PCDHGA3: variants seen among roughly 807,000 people sequenced by gnomAD.
PCDHGA3 encodes the protein protocadherin gamma-A3.
A neutral mutation model predicts 58.5 loss-of-function variants in PCDHGA3; 40 were observed. The ratio of observed to expected loss-of-function variants is 0.68; its 90% CI spans 0.53 to 0.89. PCDHGA3 has a LOEUF of 0.89. Among genes scored for constraint, PCDHGA3 ranks in the 40% least tolerant of loss-of-function variants. PCDHGA3 has a pLI of 0.00. For missense variants in PCDHGA3, 1,223 were observed against 1,195.9 expected, an observed-to-expected ratio of 1.02 and a Z score of -0.33; for synonymous variants, 530 against 525.7, an observed-to-expected ratio of 1.01 and a Z score of -0.11.
chr5:141,360,534 C>G (rs1163305635), intron 1 of PCDHGA3: 1 of 1,613,938 alleles, frequency 6.2e-7, no homozygotes, highest in Admixed American at 1.7e-5. Flanking sequence ...CCCCGCTATT[C>G]AAACAGACTA....
chr5:141,412,931 T>C (rs1010992022), intron 1 of PCDHGA3: 5 of 453,108 alleles, frequency 1.1e-5, no homozygotes, highest in African/African-American at 2.0e-5. Flanking sequence ...CAGTAACTTC[T>C]TAGGACTCTG....
At chr5:141,377,878 G>A (rs568106041) in intron 1 of PCDHGA3, 1 of 152,254 alleles carries the variant, frequency 6.6e-6, no homozygotes, top group East Asian at 1.9e-4. Flanking sequence ...TCTCTTATCA[G>A]AGATAGGATC....
At chr5:141,428,105 G>T in intron 1 of PCDHGA3, 4 of 1,608,184 alleles carry the variant, frequency 2.5e-6, no homozygotes, top group Non-Finnish European at 2.5e-6. Context: ...ACCACGTGCT[G>T]CAGGCCATCG....
rs200757040 is a variant in PCDHGA3, at chr5:141,431,080, C to T, written c.2425-63727C>T. 3 of 1,614,044 alleles carry T rather than the reference C, an allele frequency of 1.9e-6. No homozygotes were observed. The highest frequency in any genetic ancestry group is 2.5e-6 in the Non-Finnish European group (3 of 1,180,010). ...CCATCAAGTGTCAATTAAATCTAGA[C>T]ATTCTGATGGAGGATAAAGTGAAAA... On this transcript the variant is annotated intron_variant, in intron 1 of 3. Coordinates refer to ENST00000253812, the MANE Select transcript of PCDHGA3 (RefSeq NM_018916.4). This position sits in a 1 kb window ranked among gnomAD's most constrained non-coding sequence, Gnocchi z 4.8.
rs370503146 is a variant in PCDHGA3 at position 141,511,012 on chromosome 5, G to A, written c.2638G>A (p.Gly880Arg). 11 of 1,614,060 alleles carry A rather than the reference G, an allele frequency of 6.8e-6. No individual in the cohort carries two copies. Among genetic ancestry groups the A allele is most frequent in the Middle Eastern group, 1.6e-4 (1 of 6,084 alleles). ...AGTMGLSARYGPQFTLQHVPD... is the reference protein window; with the variant it reads ...AGTMGLSARYRPQFTLQHVPD... The stretch of plus-strand genomic sequence containing the variant: ...CACCATGGGATTGAGCGCCCGCTAC[G>A]GACCCCAGTTCACCCTGCAGCACGT... The change falls in exon 4 of 4, where the codon GGA (glycine) becomes AGA (arginine). Residue 880 changes from glycine (G) to arginine (R), a missense_variant. Transcript: ENST00000253812.
intron 1 of PCDHGA3, chr5:141,417,232 G>A (rs997894028): frequency 6.6e-6 from 1 of 152,072 alleles, no homozygotes; most frequent in Admixed American, 6.6e-5. Context: ...AAAATTTGTT[G>A]CTTATCTTCA....
chr5:141,419,894 C>G, intron 1 of PCDHGA3: 1 of 1,613,926 alleles, frequency 6.2e-7, no homozygotes, highest in Non-Finnish European at 8.5e-7. Flanking sequence ...CAGCGACCAT[C>G]CCACACCCTC....
In PCDHGA3 at chr5:141,489,129, T is replaced by G; in HGVS notation, c.2425-5678T>G. On this transcript the variant is annotated intron_variant, in intron 1 of 3. Coordinates refer to ENST00000253812, the MANE Select transcript of PCDHGA3 (RefSeq NM_018916.4). This position sits in a 1 kb window ranked among gnomAD's most constrained non-coding sequence, Gnocchi z 4.5. ...AAGCAGGCAAACCTCCGAGCAGTTT[T>G]TAAGAGGCTGGAAGGAGACATAAGA... 1 of 761,976 alleles carries G rather than the reference T, an allele frequency of 1.3e-6. No homozygotes were observed. The highest frequency in any genetic ancestry group is 2.0e-6 in the Non-Finnish European group (1 of 490,014). The allele number at this position is 761,976 out of a possible 1,614,324, so 47.2% of individuals were successfully genotyped here.
At chr5:141,358,867 G>A (rs1761039992) in intron 1 of PCDHGA3, among the ~76,000 whole-genome samples, 1 of 152,176 alleles carries the variant, frequency 6.6e-6, no homozygotes, top group Admixed American at 6.5e-5. Context: ...AGATATTTCT[G>A]TCATCATGTG....
rs1372113910 is a variant in PCDHGA3, at chr5:141,384,481, C to T, written c.2424+38024C>T. On this transcript the variant is annotated intron_variant, in intron 1 of 3. Coordinates refer to ENST00000253812, the MANE Select transcript of PCDHGA3 (RefSeq NM_018916.4). ...CTTTGATTATGAGCAGTTGAGAGAA[C>T]TACAACTAAGAGTGACTGCACATGA... 1.9e-6 allele frequency: 3 copies of T among 1,614,022 alleles called. No homozygotes were observed. The Admixed American group carries it at 5.0e-5, about 27-fold the overall frequency.
intron 1 of PCDHGA3, chr5:141,366,940 C>A: frequency 1.2e-6 from 1 of 819,898 alleles, no homozygotes; most frequent in Non-Finnish European, 1.8e-6. Context: ...GGAAGTCTAG[C>A]TGATATCTGT....
At chr5:141,383,674 A>T in intron 1 of PCDHGA3, 1 of 1,614,034 alleles carries the variant, frequency 6.2e-7, no homozygotes, top group Non-Finnish European at 8.5e-7. Context: ...GCCAGTGGGT[A>T]CAAGACTGCT....
chr5:141,415,521 G>T lies in PCDHGA3; in HGVS notation c.2424+69064G>T, dbSNP rs1357538686. 2.5e-6 allele frequency: 4 copies of T among 1,614,070 alleles called. No individual in the cohort carries two copies. The African/African-American group carries it at 5.3e-5, about 22-fold the overall frequency. Reference sequence around the variant, plus strand: ...TCCCCCAGCCCAATTATGCGGACACGCTCATCAGCCAGGAGAGCTGTGAGA... The same window carrying T: ...TCCCCCAGCCCAATTATGCGGACACTCTCATCAGCCAGGAGAGCTGTGAGA... On this transcript the variant is annotated intron_variant, in intron 1 of 3. Coordinates refer to ENST00000253812, the MANE Select transcript of PCDHGA3 (RefSeq NM_018916.4).
chr5:141,473,377 C>T (rs2099320819), intron 1 of PCDHGA3, among the ~76,000 whole-genome samples: 1 of 152,202 alleles, frequency 6.6e-6, no homozygotes, highest in Admixed American at 6.5e-5. Flanking sequence ...TAGCATGGTC[C>T]CTGCCCTCCT....
At chr5:141,399,798 G>T (rs2093890900) in intron 1 of PCDHGA3, 2 of 1,613,118 alleles carry the variant, frequency 1.2e-6, no homozygotes, top group Non-Finnish European at 1.7e-6. Context: ...ACGCACCGCG[G>T]GTGCTGTACC....
intron 1 of PCDHGA3, among the ~76,000 whole-genome samples, chr5:141,363,316 T>C (rs551675221): frequency 4.6e-5 from 7 of 152,280 alleles, no homozygotes; most frequent in Non-Finnish European, 1.0e-4. Context: ...TAGTTTTCTA[T>C]GAAAGTGTTA....
chr5:141,351,016 A>G (rs1460615244), intron 1 of PCDHGA3: 17 of 1,614,078 alleles, frequency 1.1e-5, no homozygotes, highest in Non-Finnish European at 1.4e-5. Flanking sequence ...AAGAAAACGT[A>G]CCGTGGGGAA....
rs754547223 is a variant in PCDHGA3 at position 141,511,148 on chromosome 5, AGTC to A, written c.2776_2778del (p.Ser926del). The A allele has an allele frequency of 7.4e-6, 12 of 1,614,202 alleles. No individual in the cohort carries two copies. The highest frequency in any genetic ancestry group is 1.0e-5 in the Non-Finnish European group (12 of 1,180,016). ...GCAGGTGGCAATGGCAACAAGAAGA[AGTC>A]GGGCAAGAAGGAGAAGAAGTAACAT... On this transcript the variant is annotated inframe_deletion, in exon 4 of 4. Coordinates refer to ENST00000253812, the MANE Select transcript of PCDHGA3 (RefSeq NM_018916.4).
chr5:141,420,318 T>C, intron 1 of PCDHGA3: 1 of 1,446,376 alleles, frequency 6.9e-7, no homozygotes, highest in Non-Finnish European at 9.3e-7. Context: ...TATTACAATA[T>C]GCCAATATAT....
Sources: gnomAD v4.1 joint callset for allele counts (sites outside exome capture counted in the v4.1 genomes callset) on GRCh38, gnomAD v4.1.1 for gene constraint, Gnocchi (gnomAD v3.1) non-coding constraint, MANE v1.5 for transcripts, NCBI Gene and HGNC (gene_info 2026-07-23, HGNC 2026-07-21) for gene names.